The following ROBO1 variants were observed in gnomAD, a reference collection of about 807,000 sequenced individuals.
ROBO1 encodes roundabout guidance receptor 1.
ROBO1 carries 149 observed loss-of-function variants against 195.9 expected under a neutral mutation model. That is an observed-to-expected ratio of 0.76 (90% confidence interval 0.67 to 0.87). ROBO1 has a LOEUF of 0.87. Among genes scored for constraint, ROBO1 ranks in the 40% least tolerant of loss-of-function variants. The pLI is 0.00. For synonymous variants in ROBO1, 816 were observed against 733.2 expected (o/e 1.11, Z -1.82); for missense variants, 1,933 against 2,068.3 (o/e 0.93, Z 1.27).
At chr3:79,306,932 G>A (rs1406853064) in intron 2 of ROBO1, among the ~76,000 whole-genome samples, 1 of 152,112 alleles carries the variant, frequency 6.6e-6, no homozygotes, top group Non-Finnish European at 1.5e-5. Context: ...TTATTCAAGG[G>A]GAAATCTGTC....
intron 2 of ROBO1, among the ~76,000 whole-genome samples, chr3:79,348,926 A>T (rs2035235338): frequency 6.6e-6 from 1 of 152,190 alleles, no homozygotes; most frequent in South Asian, 2.1e-4. Context: ...GCGAAAGTTT[A>T]ACTAAAAAAA....
At chr3:78,822,067 C>T (rs560803312) in intron 4 of ROBO1, among the ~76,000 whole-genome samples, 40 of 149,996 alleles carry the variant, frequency 2.7e-4, no homozygotes, top group African/African-American at 9.4e-4. Flanking sequence ...AATTATACAT[C>T]AGTCTCTGGG....
chr3:79,360,302 T>C (rs908500995), intron 2 of ROBO1, among the ~76,000 whole-genome samples: 3 of 152,016 alleles, frequency 2.0e-5, no homozygotes, highest in African/African-American at 4.8e-5. Flanking sequence ...TGATTTTTTA[T>C]AAAGGGAAAA....
At chr3:79,630,897 A>AG (rs1424044152) in intron 1 of ROBO1, among the ~76,000 whole-genome samples, 2 of 151,656 alleles carry the variant, frequency 1.3e-5, no homozygotes, top group Non-Finnish European at 2.9e-5. Context: ...CATACAAAAA[A>AG]CCTAGGAATA....
intron 1 of ROBO1, among the ~76,000 whole-genome samples, chr3:79,681,170 T>C (rs753191580): frequency 2.6e-5 from 4 of 151,990 alleles, no homozygotes; most frequent in Non-Finnish European, 4.4e-5. Context: ...TTTTGATAGA[T>C]AACGATGAAG....
At chr3:79,238,170 T>A (rs1159400531) in intron 2 of ROBO1, among the ~76,000 whole-genome samples, 1 of 152,180 alleles carries the variant, frequency 6.6e-6, no homozygotes, top group African/African-American at 2.4e-5. Flanking sequence ...TTTAGTACAT[T>A]TTCAATTCCT....
intron 5 of ROBO1, among the ~76,000 whole-genome samples, chr3:78,740,661 A>G (rs2082509513): frequency 6.6e-6 from 1 of 151,712 alleles, no homozygotes; most frequent in South Asian, 2.1e-4. Flanking sequence ...TTGAGTAGAG[A>G]CGGGGTTTCT....
At chr3:78,622,204 A>G (rs979192211) in intron 26 of ROBO1, among the ~76,000 whole-genome samples, 6 of 152,194 alleles carry the variant, frequency 3.9e-5, no homozygotes, top group African/African-American at 7.2e-5. Flanking sequence ...AAAATGGAAT[A>G]CCCTAGAAGT....
intron 1 of ROBO1, among the ~76,000 whole-genome samples, chr3:79,684,212 A>G (rs1190227268): frequency 2.0e-5 from 3 of 152,194 alleles, no homozygotes; most frequent in Non-Finnish European, 4.4e-5. Context: ...GATGTTCAGC[A>G]TCTTTTCAAA....
chr3:78,753,518 AT>A (rs953396217), intron 4 of ROBO1, among the ~76,000 whole-genome samples: 2 of 151,904 alleles, frequency 1.3e-5, no homozygotes, highest in Admixed American at 6.6e-5. Context: ...GTAAGGATCA[AT>A]TTTTTTTTAA....
At chr3:79,299,227 T>C (rs2032760958) in intron 2 of ROBO1, among the ~76,000 whole-genome samples, 1 of 152,180 alleles carries the variant, frequency 6.6e-6, no homozygotes, top group African/African-American at 2.4e-5. Flanking sequence ...TTCAAATAAT[T>C]TCTAAAAATA....
At chr3:79,076,037 C>A (rs1212093966) in intron 3 of ROBO1, among the ~76,000 whole-genome samples, 1 of 151,106 alleles carries the variant, frequency 6.6e-6, no homozygotes, top group Non-Finnish European at 1.5e-5. Flanking sequence ...TGGATGTGAG[C>A]AAGTAATATA....
chr3:79,723,851 C>T (rs2107310160), intron 1 of ROBO1, among the ~76,000 whole-genome samples: 1 of 152,028 alleles, frequency 6.6e-6, no homozygotes, highest in East Asian at 1.9e-4. Context: ...TATTATAAAC[C>T]ATGTTAAGGA....
chr3:78,722,129 A>T (rs544867771), intron 5 of ROBO1, among the ~76,000 whole-genome samples: 1 of 152,228 alleles, frequency 6.6e-6, no homozygotes, highest in African/African-American at 2.4e-5. Flanking sequence ...AAATTGTATA[A>T]CTGAATCTAT....
chr3:79,457,027 T>C (rs1182396809), intron 2 of ROBO1, among the ~76,000 whole-genome samples: 1 of 152,212 alleles, frequency 6.6e-6, no homozygotes, highest in Non-Finnish European at 1.5e-5. Flanking sequence ...CCGAAGACTT[T>C]AACTCCAAGT....
intron 2 of ROBO1, among the ~76,000 whole-genome samples, chr3:79,437,321 T>C (rs1183379850): frequency 1.3e-5 from 2 of 152,042 alleles, no homozygotes; most frequent in Non-Finnish European, 2.9e-5. Flanking sequence ...ATCTAGCCAA[T>C]TCTGGCCCTT....
intron 2 of ROBO1, among the ~76,000 whole-genome samples, chr3:79,262,192 C>T (rs982224811): frequency 6.6e-5 from 10 of 151,994 alleles, no homozygotes; most frequent in African/African-American, 2.2e-4. Context: ...CCAAATAGTA[C>T]GACTTTTGAA....
intron 2 of ROBO1, among the ~76,000 whole-genome samples, chr3:79,278,109 G>A (rs1576912931): frequency 6.6e-6 from 1 of 151,864 alleles, no homozygotes; most frequent in African/African-American, 2.4e-5. Context: ...ATTTAGCAAG[G>A]AGATGAAAGA....
At chr3:79,052,203 A>G (rs1400282503) in intron 3 of ROBO1, among the ~76,000 whole-genome samples, 1 of 151,982 alleles carries the variant, frequency 6.6e-6, no homozygotes, top group South Asian at 2.1e-4. Context: ...TCCCAAGGGG[A>G]GGTCTCTAAA....
Sources: allele counts gnomAD v4.1 joint callset (sites outside exome capture counted in the v4.1 genomes callset), GRCh38; gene constraint gnomAD v4.1.1; transcripts MANE v1.5; gene names NCBI Gene and HGNC (gene_info 2026-07-23, HGNC 2026-07-21).